The following SPAG16 variants were observed in gnomAD, a reference collection of about 807,000 sequenced individuals.
The protein encoded by SPAG16 is sperm-associated antigen 16 protein.
Under a neutral mutation model 80.4 loss-of-function variants are expected in SPAG16, and 86 were observed. The ratio of observed to expected loss-of-function variants is 1.07; its 90% confidence interval spans 0.90 to 1.28. The LOEUF is 1.28. Ranked by LOEUF, SPAG16 falls within the 50% of genes most tolerant of loss-of-function variation. SPAG16 has a pLI of 0.00. For synonymous variants in SPAG16, 294 were observed against 265.9 expected (o/e 1.11, Z -1.03); for missense variants, 870 against 765.3 (o/e 1.14, Z -1.61).
intron 12 of SPAG16, among the ~76,000 whole-genome samples, chr2:213,953,756 A>G (rs1264273072): frequency 1.3e-5 from 2 of 152,006 alleles, no homozygotes; most frequent in Admixed American, 6.5e-5. Context: ...CAAGAATTCC[A>G]TATCCATACA....
chr2:214,136,847 C>T (rs1029450589), intron 14 of SPAG16, among the ~76,000 whole-genome samples: 133 of 152,240 alleles, frequency 8.7e-4, no homozygotes, highest in African/African-American at 3.1e-3. Flanking sequence ...GTTTGAAATA[C>T]TAATTTTCCT....
At chr2:213,918,561 A>T (rs1320425994) in intron 11 of SPAG16, among the ~76,000 whole-genome samples, 2 of 152,144 alleles carry the variant, frequency 1.3e-5, no homozygotes, top group Admixed American at 6.5e-5. Context: ...TTTGTTAGTG[A>T]ATAAGTCTCA....
chr2:214,219,407 A>G (rs899377536), intron 15 of SPAG16, among the ~76,000 whole-genome samples: 3 of 152,130 alleles, frequency 2.0e-5, no homozygotes, highest in African/African-American at 7.2e-5. Context: ...AATAGAATAG[A>G]AACAACTTAT....
At chr2:214,045,978 G>A (rs565922885) in intron 13 of SPAG16, among the ~76,000 whole-genome samples, 1 of 152,004 alleles carries the variant, frequency 6.6e-6, no homozygotes, top group Non-Finnish European at 1.5e-5. Flanking sequence ...AAAAAAGAGA[G>A]AAGATGCAAA....
intron 9 of SPAG16, among the ~76,000 whole-genome samples, chr2:213,380,953 A>G (rs1288639270): frequency 6.6e-6 from 1 of 152,202 alleles, no homozygotes; most frequent in East Asian, 1.9e-4. Flanking sequence ...CAAAATCAAA[A>G]TAGGCCCACT....
At chr2:214,128,638 C>G (rs1325966735) in intron 14 of SPAG16, among the ~76,000 whole-genome samples, 1 of 151,846 alleles carries the variant, frequency 6.6e-6, no homozygotes, top group Non-Finnish European at 1.5e-5. Flanking sequence ...GATTTCAATT[C>G]AACCAGATTT....
intron 3 of SPAG16, among the ~76,000 whole-genome samples, chr2:213,298,362 A>G (rs981451551): frequency 2.0e-5 from 3 of 152,198 alleles, no homozygotes; most frequent in African/African-American, 7.2e-5. Flanking sequence ...TTGTAGGAAT[A>G]GTTTTAAAAT....
intron 10 of SPAG16, among the ~76,000 whole-genome samples, chr2:213,737,775 A>G (rs949380233): frequency 6.6e-6 from 1 of 152,106 alleles, no homozygotes; most frequent in Non-Finnish European, 1.5e-5. Context: ...GGCGTGAGCC[A>G]CCGCGCCTGG....
chr2:214,176,321 A>G (rs753042155), intron 15 of SPAG16, among the ~76,000 whole-genome samples: 18 of 151,292 alleles, frequency 1.2e-4, no homozygotes, highest in Non-Finnish European at 2.2e-4. Context: ...GGTGCTATAG[A>G]TAGTCATCCA....
chr2:214,369,795 C>T (rs1699698600), intron 15 of SPAG16, among the ~76,000 whole-genome samples: 1 of 152,076 alleles, frequency 6.6e-6, no homozygotes, highest in Non-Finnish European at 1.5e-5. Flanking sequence ...AACTGTCTAT[C>T]ACTAATATTG....
At chr2:213,891,990 G>A (rs1229282709) in intron 11 of SPAG16, among the ~76,000 whole-genome samples, 1 of 152,154 alleles carries the variant, frequency 6.6e-6, no homozygotes, top group African/African-American at 2.4e-5. Context: ...AAATATCACT[G>A]AGAATAGCCA....
chr2:214,322,266 C>A (rs1010480493), intron 15 of SPAG16, among the ~76,000 whole-genome samples: 1 of 152,154 alleles, frequency 6.6e-6, no homozygotes, highest in Non-Finnish European at 1.5e-5. Flanking sequence ...ATTCTGATTT[C>A]AATGGTCTGA....
At chr2:213,771,302 G>GT (rs765740222) in intron 10 of SPAG16, among the ~76,000 whole-genome samples, 4 of 151,584 alleles carry the variant, frequency 2.6e-5, no homozygotes, top group East Asian at 3.9e-4. Context: ...ACTTTTTAAT[G>GT]TTTTTTTCCT....
At chr2:214,156,828 AAAG>A (rs762412144) in intron 15 of SPAG16, among the ~76,000 whole-genome samples, 4 of 152,232 alleles carry the variant, frequency 2.6e-5, no homozygotes, top group Non-Finnish European at 5.9e-5. Flanking sequence ...AATAATTTAA[AAAG>A]AAGAAGAAAG....
intron 10 of SPAG16, among the ~76,000 whole-genome samples, chr2:213,706,795 G>T (rs187978199): frequency 6.6e-6 from 1 of 152,268 alleles, no homozygotes; most frequent in East Asian, 1.9e-4. Flanking sequence ...GGGGGTTATG[G>T]CTTGAAGTTT....
intron 9 of SPAG16, among the ~76,000 whole-genome samples, chr2:213,438,375 C>T (rs184954456): frequency 3.9e-5 from 6 of 152,246 alleles, no homozygotes; most frequent in South Asian, 2.1e-4. Flanking sequence ...CAATTCAAGG[C>T]GTGAGGATGT....
chr2:214,094,780 A>G (rs1290693631), intron 13 of SPAG16, among the ~76,000 whole-genome samples: 1 of 152,042 alleles, frequency 6.6e-6, no homozygotes, highest in Admixed American at 6.6e-5. Context: ...AACAATGTAT[A>G]TTTGGTAATA....
intron 15 of SPAG16, among the ~76,000 whole-genome samples, chr2:214,234,077 C>G (rs1015425944): frequency 4.0e-5 from 6 of 151,670 alleles, no homozygotes; most frequent in Admixed American, 6.6e-5. Flanking sequence ...TGTTGTTTCC[C>G]CCCCCATGTG....
intron 13 of SPAG16, among the ~76,000 whole-genome samples, chr2:214,072,902 C>A (rs567041760): frequency 6.6e-6 from 1 of 152,018 alleles, no homozygotes; most frequent in Non-Finnish European, 1.5e-5. Flanking sequence ...ACTTGTATTT[C>A]CAAAATAATA....
Sources: gnomAD v4.1 joint callset for allele counts (sites outside exome capture counted in the v4.1 genomes callset) on GRCh38, gnomAD v4.1.1 for gene constraint, MANE v1.5 for transcripts, NCBI Gene and HGNC (gene_info 2026-07-23, HGNC 2026-07-21) for gene names.